The following MYO18A variants were observed in gnomAD, a reference collection of about 807,000 sequenced individuals.
MYO18A encodes the protein myosin XVIIIA.
Under a neutral mutation model 235.8 loss-of-function variants are expected in MYO18A, and 78 were observed. The ratio of observed to expected loss-of-function variants is 0.33; its 90% CI spans 0.28 to 0.40. MYO18A has a LOEUF of 0.40. Ranked by LOEUF, MYO18A falls within the 10% of genes least tolerant of loss-of-function variation. MYO18A has a pLI of 1.00. For synonymous variants in MYO18A, 977 were observed against 1,077.8 expected, an observed-to-expected ratio of 0.91 and a Z score of 1.83; for missense variants, 2,215 against 2,699.3, an observed-to-expected ratio of 0.82 and a Z score of 3.98.
In MYO18A at chr17:29,090,889, T is replaced by C. The variant is rs533432831; in HGVS notation, c.5225A>G (p.Asn1742Ser). The change falls in exon 35 of 42, where the codon AAT becomes AGT. Residue 1742 changes from asparagine (N) to serine (S), a missense_variant. Transcript: ENST00000527372. Reference sequence around the variant, plus strand: ...TTCCTCCAGCCGGTTCTGGATCTCATTCTTCTCACGCTGAAGGCGGCTCAG... The same window carrying C: ...TTCCTCCAGCCGGTTCTGGATCTCACTCTTCTCACGCTGAAGGCGGCTCAG... ...EQLSRLQREK[N>S]EIQNRLEEDQ... The C allele has an allele frequency of 1.9e-6, 3 of 1,614,070 alleles. No homozygotes were observed. The East Asian group carries it at 6.7e-5, about 36-fold the overall frequency.
Position 29,172,675 on chromosome 17 carries a change from A to G in MYO18A, c.-81-5654T>C, listed in dbSNP as rs533901349. 9.8e-5 allele frequency among the ~76,000 whole-genome samples: 15 copies of G among 152,290 alleles called. No homozygotes were observed. In the East Asian group the frequency reaches 2.9e-3, roughly 29 times the overall value. ...AATAGTAGCAGGGCACAGTTTTTGC[A>G]GTCTAAATGACACAGTAGAGAGGAT... On this transcript the variant is annotated intron_variant, in intron 1 of 41. Transcript: ENST00000527372.
Position 29,118,059 on chromosome 17 carries a change from G to A in MYO18A, c.2024C>T (p.Ala675Val), listed in dbSNP as rs530510424. 57 of 1,583,640 alleles carry A rather than the reference G, an allele frequency of 3.6e-5. No homozygotes were observed. The highest frequency in any genetic ancestry group is 2.3e-4 in the Admixed American group (13 of 55,702). Reference sequence around the variant, plus strand: ...CTGCAGGTTACCTTTGGTGGCTCCCGCAGCCCCCAGGTGGTAGATGGCAGC... The same window carrying A: ...CTGCAGGTTACCTTTGGTGGCTCCCACAGCCCCCAGGTGGTAGATGGCAGC... ...ILAAIYHLGA[A>V]GATKEAAEAG... Residue 675 changes from alanine to valine, a missense_variant, in exon 10 of 42, where the codon GCG becomes GTG. Physicochemically the swap from Ala to Val is moderately conservative, Grantham distance 64. Coordinates refer to ENST00000527372, the MANE Select transcript of MYO18A (RefSeq NM_078471.4). This position sits in a 1 kb window ranked among gnomAD's most constrained non-coding sequence, Gnocchi z 4.2.
intron 40 of MYO18A, among the ~76,000 whole-genome samples, chr17:29,084,810 A>C (rs55976212): frequency 0.4 from 61,368 of 151,764 alleles, 13,389 homozygotes; most frequent in East Asian, 0.84. Flanking sequence ...TAAAAAAAAA[A>C]GACCTCTAAA....
chr17:29,093,021 T>C lies in MYO18A; in HGVS notation c.4927-20A>G. The C allele has an allele frequency of 1.2e-6, 2 of 1,609,980 alleles. No homozygotes were observed. The highest frequency in any genetic ancestry group is 2.2e-5 in the South Asian group (2 of 90,818). ...GTTCACCTGGGTGGGCACCAGCAGT[T>C]GGGGTTCTGGGCTCTGCACAGGGCT... On this transcript the variant is annotated intron_variant, in intron 32 of 41. Coordinates refer to ENST00000527372, the MANE Select transcript of MYO18A (RefSeq NM_078471.4).
Position 29,074,838 on chromosome 17 carries a change from G to C in MYO18A, c.6097C>G (p.Pro2033Ala). Residue 2033 changes from proline (P) to alanine (A), a missense_variant, in exon 42 of 42, where the codon CCG becomes GCG. Coordinates refer to ENST00000527372, the MANE Select transcript of MYO18A (RefSeq NM_078471.4). This position sits in a 1 kb window ranked among gnomAD's most constrained non-coding sequence, Gnocchi z 4.4. ...CTCAGATAACTGTGGGAGTATCGCG[G>C]TCTGGAGGTGTTGTCGAGAGGGTCG... ...EHDPLDNTSR[P>A]RYSHSYLSDS... is the part of the protein sequence containing the mutation. The C allele has an allele frequency of 6.2e-7, 1 of 1,613,994 alleles. No homozygotes were observed. Among genetic ancestry groups the C allele is most frequent in the South Asian group, 1.1e-5 (1 of 91,086 alleles).
At chr17:29,174,288 T>C (rs910391077) in intron 1 of MYO18A, among the ~76,000 whole-genome samples, 1 of 152,126 alleles carries the variant, frequency 6.6e-6, no homozygotes, top group Non-Finnish European at 1.5e-5. Flanking sequence ...GGAGGACTGC[T>C]TGAGTCCAGG....
chr17:29,074,880 G>A lies in MYO18A; in HGVS notation c.6055C>T (p.Arg2019Trp), dbSNP rs757808931. ...TSYWKSLAPD[R>W]SDDEHDPLDN... ...AGAGGGTCGTGCTCATCATCTGACCGATCAGGGGCAAGGGACTTCCAGTAG... is the reference window on the plus strand; with the variant it reads ...AGAGGGTCGTGCTCATCATCTGACCAATCAGGGGCAAGGGACTTCCAGTAG... Residue 2019 changes from arginine to tryptophan, a missense_variant, in exon 42 of 42, where the codon CGG becomes TGG. Coordinates refer to ENST00000527372, the MANE Select transcript of MYO18A (RefSeq NM_078471.4). This position sits in a 1 kb window ranked among gnomAD's most constrained non-coding sequence, Gnocchi z 4.4. 2.1e-5 allele frequency: 34 copies of A among 1,613,794 alleles called. No individual in the cohort carries two copies. The highest frequency in any genetic ancestry group is 6.7e-5 in the Admixed American group (4 of 59,982).
Position 29,094,964 on chromosome 17 carries a change from T to A in MYO18A, c.4481A>T (p.Glu1494Val). 1.9e-6 allele frequency: 3 copies of A among 1,609,306 alleles called. No homozygotes were observed. The highest frequency in any genetic ancestry group is 1.7e-6 in the Non-Finnish European group (2 of 1,176,936). ...TAGTTGCTGCTTCAGGCTGAAAGCC[T>A]CAGCGAGGAGCATGTCCTTCTCCCG... ...LQREKDMLLA[E>V]AFSLKQQLEE... The change falls in exon 29 of 42, where the codon GAG becomes GTG. Residue 1494 changes from glutamate (E) to valine (V), a missense_variant. Coordinates refer to ENST00000527372, the MANE Select transcript of MYO18A (RefSeq NM_078471.4).
intron 2 of MYO18A, among the ~76,000 whole-genome samples, chr17:29,145,448 G>A (rs1006756076): frequency 6.6e-6 from 1 of 152,226 alleles, no homozygotes; most frequent in Non-Finnish European, 1.5e-5. Context: ...AGGCCAGACA[G>A]GAGGCTCTGA....
In MYO18A at chr17:29,166,182, C is replaced by A. The variant is rs755455745; in HGVS notation, c.759G>T (p.Val253=). 25 of 1,612,938 alleles carry A rather than the reference C, an allele frequency of 1.5e-5. No homozygotes were observed. In the East Asian group the frequency reaches 5.6e-4, roughly 36 times the overall value. ...CTGCACCAGGCTCAGCAAAGTGGAC[C>A]ACACGCCGACAGGCCTGGCCCTCGG... ...RGPEGQACRR[V]VHFAEPGAGT... is the part of the protein sequence containing the mutation. The change falls in exon 2 of 42, where the codon GTG becomes GTT. Residue 253 remains valine (V), a synonymous_variant. Transcript: ENST00000527372.
intron 35 of MYO18A, 58 bp downstream of exon 35, chr17:29,090,749 TGAG>T: frequency 6.4e-7 from 1 of 1,553,820 alleles, no homozygotes; most frequent in Non-Finnish European, 8.9e-7. Flanking sequence ...GGGGGACCCA[TGAG>T]GAGGACCACA....
intron 2 of MYO18A, among the ~76,000 whole-genome samples, chr17:29,132,893 C>T (rs1344512049): frequency 6.6e-6 from 1 of 152,118 alleles, no homozygotes; most frequent in African/African-American, 2.4e-5. Context: ...GTGCCTGCTG[C>T]CCCCCACCAA....
At chr17:29,128,231 G>C (rs748506351) in intron 2 of MYO18A, 330 of 1,164,918 alleles carry the variant, frequency 2.8e-4, no homozygotes, top group Non-Finnish European at 2.9e-4. Flanking sequence ...ACTAGAAGCT[G>C]CCTTTTCTCC....
In MYO18A at chr17:29,117,185, A is replaced by G. The variant is rs1180747041; in HGVS notation, c.2039-730T>C. Among the ~76,000 whole-genome samples, 2 of 152,156 alleles carry G rather than the reference A, an allele frequency of 1.3e-5. No homozygotes were observed. Among genetic ancestry groups the G allele is most frequent in the African/African-American group, 2.4e-5 (1 of 41,430 alleles). ...CCCTAAACTGGAGAAAAAGGGGGTG[A>G]AGAGGTGCTCGAATCGCCATCCTCC... On this transcript the variant is annotated intron_variant, in intron 10 of 41. Coordinates refer to ENST00000527372, the MANE Select transcript of MYO18A (RefSeq NM_078471.4). This position sits in a 1 kb window ranked among gnomAD's most constrained non-coding sequence, Gnocchi z 4.6.
At position 29,071,410 on chromosome 17, in the gene MYO18A, C is replaced by A. The variant is rs2065882648; in HGVS notation, c.*3360G>T. On this transcript the variant is annotated 3_prime_UTR_variant, in exon 42 of 42. Coordinates refer to ENST00000527372, the MANE Select transcript of MYO18A (RefSeq NM_078471.4). ...AGATGGGCTTTGGTGGCCCTAAAGG[C>A]TCCTGGACTCCTCTGGGGCCAAGGG... 6.6e-6 allele frequency: 1 copy of A among 152,234 alleles called. No homozygotes were observed. Among genetic ancestry groups the A allele is most frequent in the Non-Finnish European group, 1.5e-5 (1 of 68,052 alleles). The allele number at this position is 152,234 out of a possible 1,614,324, so 9.4% of individuals were successfully genotyped here. A position where few individuals can be genotyped will look rare whatever the true frequency, so the allele number is the denominator to read the frequency against.
At chr17:29,146,161 G>A (rs1404325798) in intron 2 of MYO18A, among the ~76,000 whole-genome samples, 3 of 152,200 alleles carry the variant, frequency 2.0e-5, no homozygotes, top group Non-Finnish European at 4.4e-5. Flanking sequence ...AGGAGGCTGA[G>A]GCAGGAGAAT....
intron 2 of MYO18A, among the ~76,000 whole-genome samples, chr17:29,137,607 G>T (rs1049279346): frequency 6.6e-6 from 1 of 152,228 alleles, no homozygotes; most frequent in Non-Finnish European, 1.5e-5. Context: ...GAAAAAAAAC[G>T]CAAAGATTTT....
intron 2 of MYO18A, among the ~76,000 whole-genome samples, chr17:29,141,108 C>G (rs1051780099): frequency 3.9e-5 from 6 of 152,252 alleles, no homozygotes; most frequent in Non-Finnish European, 8.8e-5. Context: ...GTTTACATCC[C>G]TCTCCCCTCC....
chr17:29,122,601 C>T (rs2067228086), intron 2 of MYO18A, among the ~76,000 whole-genome samples: 1 of 152,198 alleles, frequency 6.6e-6, no homozygotes, highest in African/African-American at 2.4e-5. Context: ...CCCTCTGCTC[C>T]TCCACCCTGT....
Sources: allele counts gnomAD v4.1 joint callset (sites outside exome capture counted in the v4.1 genomes callset), GRCh38; gene constraint gnomAD v4.1.1; non-coding constraint Gnocchi (gnomAD v3.1); transcripts MANE v1.5; gene names NCBI Gene and HGNC (gene_info 2026-07-23, HGNC 2026-07-21).